The following CPN1 variants were observed in gnomAD, a reference collection of about 807,000 sequenced individuals.
CPN1 encodes the protein carboxypeptidase N subunit 1, also known as carboxypeptidase N catalytic chain.
CPN1 carries 37 observed loss-of-function variants against 46.4 expected under a neutral mutation model. The observed-to-expected ratio is 0.80, with a 90% CI of 0.61 to 1.05. The LOEUF (loss-of-function observed/expected upper bound fraction) is 1.05, where lower values mean the gene tolerates loss of function less well. Ranked by LOEUF, CPN1 falls within the 50% of genes least tolerant of loss-of-function variation. CPN1 has a pLI of 0.00. For synonymous variants in CPN1, 224 were observed against 235.4 expected, an observed-to-expected ratio of 0.95 and a Z score of 0.44; for missense variants, 563 against 602.6, an observed-to-expected ratio of 0.93 and a Z score of 0.69.
chr10:100,046,983 A>G (rs777288419), intron 8 of CPN1, among the ~76,000 whole-genome samples: 8 of 152,026 alleles, frequency 5.3e-5, no homozygotes, highest in Admixed American at 2.0e-4. Flanking sequence ...CTGAGGCAGG[A>G]GAATTGCTTG....
At chr10:100,061,340 A>G (rs2041416362) in intron 5 of CPN1, among the ~76,000 whole-genome samples, 1 of 152,236 alleles carries the variant, frequency 6.6e-6, no homozygotes, top group Non-Finnish European at 1.5e-5. Flanking sequence ...CCCCATAAAT[A>G]TATACACTTC....
At chr10:100,055,000 G>T (rs1390497556) in intron 6 of CPN1, among the ~76,000 whole-genome samples, 3 of 151,890 alleles carry the variant, frequency 2.0e-5, no homozygotes, top group African/African-American at 7.3e-5. Context: ...CACTTTGGGA[G>T]GCCGAGGTGG....
intron 8 of CPN1, among the ~76,000 whole-genome samples, chr10:100,046,862 T>G (rs977948591): frequency 6.6e-6 from 1 of 151,822 alleles, no homozygotes; most frequent in Non-Finnish European, 1.5e-5. Context: ...TCACCTGAGG[T>G]CAGGAGTTCA....
chr10:100,075,682 G>C (rs2041509363), intron 2 of CPN1, among the ~76,000 whole-genome samples: 1 of 152,216 alleles, frequency 6.6e-6, no homozygotes. Context: ...GGTGTTGAGG[G>C]AATGCAGGCT....
chr10:100,073,538 G>A (rs1313206853), intron 2 of CPN1, among the ~76,000 whole-genome samples: 6 of 151,842 alleles, frequency 4.0e-5, no homozygotes, highest in South Asian at 2.1e-4. Flanking sequence ...AGACTAAAAC[G>A]GGTCTCACAG....
Position 100,054,388 on chromosome 10 carries a change from G to C in CPN1, c.1070C>G (p.Ala357Gly). Residue 357 changes from alanine (A) to glycine (G), a missense_variant, in exon 7 of 9, where the codon GCT (alanine) becomes GGT (glycine). By Grantham distance (60) the Ala-to-Gly change is moderately conservative. Coordinates refer to ENST00000370418, the MANE Select transcript of CPN1 (RefSeq NM_001308.3). ...LDENYNNLAN[A>G]VISVSGINHD... ...GTTAATCCCACTGACAGAAATGACAGCATTGGCGAGATTATTGTAATTCTC... is the reference window on the plus strand; with the variant it reads ...GTTAATCCCACTGACAGAAATGACACCATTGGCGAGATTATTGTAATTCTC... 1 of 1,614,038 alleles carries C rather than the reference G, an allele frequency of 6.2e-7. No individual in the cohort carries two copies. The highest frequency in any genetic ancestry group is 8.5e-7 in the Non-Finnish European group (1 of 1,179,964).
At chr10:100,048,217 A>C (rs951191484) in intron 8 of CPN1, among the ~76,000 whole-genome samples, 2 of 152,148 alleles carry the variant, frequency 1.3e-5, no homozygotes, top group Non-Finnish European at 2.9e-5. Flanking sequence ...AAATGAGCTG[A>C]ATTTAGAACT....
intron 7 of CPN1, among the ~76,000 whole-genome samples, chr10:100,052,723 T>TA (rs1287639748): frequency 6.6e-6 from 1 of 151,542 alleles, no homozygotes; most frequent in Non-Finnish European, 1.5e-5. Context: ...AAATAAAAAA[T>TA]AAAAAAATTA....
At position 100,062,558 on chromosome 10, in the gene CPN1, T is replaced by A. The variant is rs560138431; in HGVS notation, c.871+1056A>T. Among the ~76,000 whole-genome samples, 6 of 152,270 alleles carry A rather than the reference T, an allele frequency of 3.9e-5. No homozygotes were observed. The South Asian group carries it at 1.2e-3, about 32-fold the overall frequency. On this transcript the variant is annotated intron_variant, in intron 5 of 8. Transcript: ENST00000370418. The stretch of plus-strand genomic sequence containing the variant: ...CAAATGCCTTATGTGTATTATTTTA[T>A]TTAATACTCATATTAAAATTACGAG...
At chr10:100,046,329 G>A (rs553527022) in intron 8 of CPN1, among the ~76,000 whole-genome samples, 3 of 152,348 alleles carry the variant, frequency 2.0e-5, no homozygotes, top group Admixed American at 6.5e-5. Flanking sequence ...TAGGCGGAGG[G>A]AGCACAGTGG....
Position 100,079,442 on chromosome 10 carries a change from T to C in CPN1, c.223+1961A>G, listed in dbSNP as rs182960689. 1.1e-3 allele frequency among the ~76,000 whole-genome samples: 168 copies of C among 152,356 alleles called. 1 individual carries two copies. Among genetic ancestry groups the C allele is most frequent in the African/African-American group, 3.9e-3 (161 of 41,590 alleles). Reference sequence around the variant, plus strand: ...GAGGGCTAGAGTCCTGTGAAAAAGCTTCAAAGAAGGCCTTGAAAGCTAGAA... The same window carrying C: ...GAGGGCTAGAGTCCTGTGAAAAAGCCTCAAAGAAGGCCTTGAAAGCTAGAA... On this transcript the variant is annotated intron_variant, in intron 1 of 8. Coordinates refer to ENST00000370418, the MANE Select transcript of CPN1 (RefSeq NM_001308.3).
chr10:100,063,852 TGAAAGAA>T, intron 4 of CPN1, 127 bp from the exon 5 acceptor site: 1 of 735,358 alleles, frequency 1.4e-6, no homozygotes. Flanking sequence ...TTTGCTTTAG[TGAAAGAA>T]AATAGGATCA....
chr10:100,065,861 C>T (rs61871698), intron 3 of CPN1, among the ~76,000 whole-genome samples: 5,037 of 151,980 alleles, frequency 0.033, 100 homozygotes, highest in Non-Finnish European at 0.05. Flanking sequence ...TATATGAGAA[C>T]TCTGTACTTT....
Position 100,075,975 on chromosome 10 carries a change from T to C in CPN1, c.356A>G (p.Gln119Arg), listed in dbSNP as rs763109927. Residue 119 changes from glutamine to arginine, a missense_variant, in exon 2 of 9, where the codon CAG (glutamine) becomes CGG (arginine). Physicochemically the swap from Gln to Arg is conservative, Grantham distance 43. Coordinates refer to ENST00000370418, the MANE Select transcript of CPN1 (RefSeq NM_001308.3). ...NRNQRIVQLIQDTRIHILPSM... is the reference protein window; with the variant it reads ...NRNQRIVQLIRDTRIHILPSM... ...TGGCAGGATGTGAATGCGCGTGTCCTGGATGAGCTGGACGATGCGCTGGTT... is the reference window on the plus strand; with the variant it reads ...TGGCAGGATGTGAATGCGCGTGTCCCGGATGAGCTGGACGATGCGCTGGTT... 32 of 1,614,060 alleles carry C rather than the reference T, an allele frequency of 2.0e-5. No individual in the cohort carries two copies. The highest frequency in any genetic ancestry group is 2.5e-5 in the Non-Finnish European group (29 of 1,180,042).
intron 1 of CPN1, among the ~76,000 whole-genome samples, chr10:100,077,640 C>A (rs1018709365): frequency 1.3e-4 from 20 of 152,126 alleles, no homozygotes; most frequent in African/African-American, 4.8e-4. Context: ...TCTTAGTATA[C>A]CTACAGCAGT....
At chr10:100,061,967 A>G (rs915038043) in intron 5 of CPN1, among the ~76,000 whole-genome samples, 3 of 151,968 alleles carry the variant, frequency 2.0e-5, no homozygotes, top group Non-Finnish European at 4.4e-5. Flanking sequence ...CAGCCTCTCA[A>G]AGCGCTGAGA....
chr10:100,049,237 G>A (rs116582684), intron 7 of CPN1, among the ~76,000 whole-genome samples: 4,254 of 149,780 alleles, frequency 0.028, 101 homozygotes, highest in African/African-American at 0.065. Flanking sequence ...GATTACAGGC[G>A]TGAGCCGCTG....
In CPN1 at chr10:100,050,277, G is replaced by T. The variant is rs149303979; in HGVS notation, c.1112-1401C>A. Among the ~76,000 whole-genome samples, 846 of 152,192 alleles carry T rather than the reference G, an allele frequency of 5.6e-3. 16 individuals are homozygous for T. The highest frequency in any genetic ancestry group is 0.02 in the African/African-American group (817 of 41,556). On this transcript the variant is annotated intron_variant, in intron 7 of 8. Transcript: ENST00000370418. ...GCTGAGGCAGGGTAATTGCTGGACC[G>T]TGAGAGGTGGAGGCTGCAGTGAGCC...
At chr10:100,048,964 T>C (rs988477488) in intron 7 of CPN1, 88 bp from the exon 8 acceptor site, 1 of 1,079,564 alleles carries the variant, frequency 9.3e-7, no homozygotes, top group African/African-American at 1.6e-5. Flanking sequence ...AAGGTTGGCT[T>C]TTCTTTTTTT....
Sources: gnomAD v4.1 joint callset for allele counts (sites outside exome capture counted in the v4.1 genomes callset) on GRCh38, gnomAD v4.1.1 for gene constraint, MANE v1.5 for transcripts, NCBI Gene and HGNC (gene_info 2026-07-23, HGNC 2026-07-21) for gene names.